GSE1: variants seen among roughly 807,000 people sequenced by gnomAD.
GSE1 encodes genetic suppressor element 1.
Under a neutral mutation model 112.6 loss-of-function variants are expected in GSE1, and 32 were observed. The ratio of observed to expected loss-of-function variants is 0.28; its 90% confidence interval spans 0.21 to 0.38. The LOEUF is 0.38. Ranked by LOEUF, GSE1 falls within the 10% of genes least tolerant of loss-of-function variation. GSE1 has a pLI of 1.00. For missense variants in GSE1, 2,348 were observed against 1,699.2 expected (o/e 1.38, Z -6.71); for synonymous variants, 1,115 against 735.6 (o/e 1.52, Z -8.35).
At chr16:85,524,398 C>T (rs546339667) in intron 2 of GSE1, among the ~76,000 whole-genome samples, 12 of 152,190 alleles carry the variant, frequency 7.9e-5, no homozygotes, top group African/African-American at 2.6e-4. Context: ...GGGCTGCCTG[C>T]GAAGCTCAGA....
Position 85,389,848 on chromosome 16 carries a change from AGGGGCGTCACTT to A in GSE1, c.2464+32207_2464+32218del, listed in dbSNP as rs369819548. Among the ~76,000 whole-genome samples the A allele has an allele frequency of 1.6e-3, 238 of 152,314 alleles. 1 individual carries two copies. Among genetic ancestry groups the A allele is most frequent in the African/African-American group, 5.6e-3 (234 of 41,578 alleles). On this transcript the variant is annotated intron_variant, in intron 2 of 2. Coordinates refer to the GSE1 transcript ENST00000637419. Reference sequence around the variant, plus strand: ...TAGATAAGCAAACTGAGGCCCAGAGAGGGGCGTCACTTGCAAACAGCTGCATGGCAGGTGGGC... The same window carrying A: ...TAGATAAGCAAACTGAGGCCCAGAGAGCAAACAGCTGCATGGCAGGTGGGC...
At chr16:85,232,628 G>A (rs565321430) in intron 1 of GSE1, among the ~76,000 whole-genome samples, 1 of 152,232 alleles carries the variant, frequency 6.6e-6, no homozygotes, top group Non-Finnish European at 1.5e-5. Context: ...GGCAGGAGGA[G>A]GTGGCTTCCC....
chr16:85,312,253 G>A (rs1009741405), intron 1 of GSE1, among the ~76,000 whole-genome samples: 6 of 148,648 alleles, frequency 4.0e-5, no homozygotes, highest in Non-Finnish European at 5.9e-5. Context: ...ACAACTGAGT[G>A]CCCTTAGGCT....
chr16:85,255,699 G>A (rs534641342), intron 1 of GSE1, among the ~76,000 whole-genome samples: 20 of 152,120 alleles, frequency 1.3e-4, no homozygotes, highest in Non-Finnish European at 2.4e-4. Flanking sequence ...CACCGCACCC[G>A]GCCAGTCAGT....
intron 1 of GSE1, among the ~76,000 whole-genome samples, chr16:85,631,443 C>T (rs964420422): frequency 1.3e-5 from 2 of 152,202 alleles, no homozygotes; most frequent in African/African-American, 4.8e-5. Flanking sequence ...GCCCAGGGCA[C>T]GGGGCTTGTG....
At chr16:85,493,690 T>TGGAGGTGGAGAATCGCTTGAACCCG (rs2051080228) in intron 2 of GSE1, among the ~76,000 whole-genome samples, 1 of 136,854 alleles carries the variant, frequency 7.3e-6, no homozygotes, top group Non-Finnish European at 1.5e-5. Flanking sequence ...GAGGCGGAGG[T>TGGAGGTGGAGAATCGCTTGAACCCG]GGAGGTGGAG....
At chr16:85,586,124 G>A (rs7184762) in intron 1 of GSE1, among the ~76,000 whole-genome samples, 15,897 of 152,184 alleles carry the variant, frequency 0.1, 2,695 homozygotes, top group African/African-American at 0.36. Flanking sequence ...TCATTCTGCT[G>A]TCTGCATCTG....
chr16:85,198,016 C>T (rs1291376096), intron 1 of GSE1, among the ~76,000 whole-genome samples: 1 of 152,166 alleles, frequency 6.6e-6, no homozygotes, highest in Non-Finnish European at 1.5e-5. Flanking sequence ...CTGCCTCCTA[C>T]CGAGAGCACC....
chr16:85,287,862 C>T (rs529884531), intron 1 of GSE1, among the ~76,000 whole-genome samples: 2 of 152,272 alleles, frequency 1.3e-5, no homozygotes, highest in Admixed American at 1.3e-4. Context: ...TTGTTCACAG[C>T]GGCATCCCTA....
intron 2 of GSE1, among the ~76,000 whole-genome samples, chr16:85,459,202 G>T (rs928499455): frequency 6.6e-6 from 1 of 152,212 alleles, no homozygotes; most frequent in Non-Finnish European, 1.5e-5. Context: ...AACAACCACC[G>T]TGCCAATTGC....
chr16:85,570,854 G>A (rs1324405388), intron 1 of GSE1, among the ~76,000 whole-genome samples: 1 of 152,200 alleles, frequency 6.6e-6, no homozygotes, highest in Non-Finnish European at 1.5e-5. Flanking sequence ...GAGCTCAGCC[G>A]CAAGCCACTG....
chr16:85,376,904 G>C (rs772212090), intron 2 of GSE1, among the ~76,000 whole-genome samples: 1 of 152,234 alleles, frequency 6.6e-6, no homozygotes, highest in Non-Finnish European at 1.5e-5. Context: ...ACCGCACACC[G>C]CACACCCGGC....
chr16:85,433,035 GTGA>G lies in GSE1; in HGVS notation c.2464+75397_2464+75399del, dbSNP rs1020270956. On this transcript the variant is annotated intron_variant, in intron 2 of 2. Coordinates refer to the GSE1 transcript ENST00000637419. ...TTTTCAGATCTGCTTGGGGGATCAG[GTGA>G]TGATAAGTCCCCCCCAGAGACTTCC... Among the ~76,000 whole-genome samples, 68 of 152,022 alleles carry G rather than the reference GTGA, an allele frequency of 4.5e-4. 1 individual carries two copies. The highest frequency in any genetic ancestry group is 3.4e-3 in the Middle Eastern group (1 of 294).
chr16:85,669,513 C>A (rs571936347), intron 14 of GSE1, among the ~76,000 whole-genome samples: 47 of 152,312 alleles, frequency 3.1e-4, no homozygotes, highest in Non-Finnish European at 5.9e-5. Flanking sequence ...TCCTTTCCTC[C>A]TCCCGTGGAA....
intron 8 of GSE1, among the ~76,000 whole-genome samples, chr16:85,658,586 C>G (rs549126301): frequency 6.6e-6 from 1 of 152,226 alleles, no homozygotes; most frequent in East Asian, 1.9e-4. Context: ...CCCCGCTGAT[C>G]AGGGATGACT....
chr16:85,417,448 G>C (rs1436634424), intron 2 of GSE1, among the ~76,000 whole-genome samples: 1 of 152,228 alleles, frequency 6.6e-6, no homozygotes. Context: ...GCCTGGAGAG[G>C]GTCAGAGCAC....
upstream of GSE1, among the ~76,000 whole-genome samples, chr16:85,606,518 C>T (rs947002183): frequency 1.4e-4 from 21 of 152,314 alleles, no homozygotes; most frequent in Admixed American, 1.1e-3. Flanking sequence ...CCTGGCAGAA[C>T]GTCTCCTTGC....
At chr16:85,247,180 C>G (rs1290113727) in intron 1 of GSE1, among the ~76,000 whole-genome samples, 1 of 152,176 alleles carries the variant, frequency 6.6e-6, no homozygotes, top group African/African-American at 2.4e-5. Context: ...CACAAGTGTC[C>G]TGGTCTTGAT....
intron 2 of GSE1, among the ~76,000 whole-genome samples, chr16:85,454,720 G>C (rs1398519788): frequency 6.6e-6 from 1 of 152,198 alleles, no homozygotes; most frequent in African/African-American, 2.4e-5. Context: ...GCTTGGCAAG[G>C]AGGCTTGGCA....
Sources: allele counts gnomAD v4.1 joint callset (sites outside exome capture counted in the v4.1 genomes callset), GRCh38; gene constraint gnomAD v4.1.1; transcripts MANE v1.5; gene names NCBI Gene and HGNC (gene_info 2026-07-23, HGNC 2026-07-21).